SMAD4: variants seen among roughly 807,000 people sequenced by gnomAD.
SMAD4 encodes the protein SMAD family member 4, also known as MAD homolog 4.
Under a neutral mutation model 63.2 loss-of-function variants are expected in SMAD4, and 7 were observed. The ratio of observed to expected loss-of-function variants is 0.11; its 90% CI spans 0.06 to 0.21. The LOEUF is 0.21. SMAD4 is among the 10% of genes least tolerant of loss of function. SMAD4 has a pLI of 1.00. For synonymous variants in SMAD4, 215 were observed against 235.4 expected, an observed-to-expected ratio of 0.91 and a Z score of 0.79; for missense variants, 312 against 693.8, an observed-to-expected ratio of 0.45 and a Z score of 6.18.
intron 1 of SMAD4, among the ~76,000 whole-genome samples, chr18:51,030,984 G>T (rs1161862391): frequency 6.6e-6 from 1 of 152,160 alleles, no homozygotes; most frequent in East Asian, 1.9e-4. Flanking sequence ...GTTGCCTTAG[G>T]GTCTAAGTGA....
chr18:51,079,269 A>G lies in SMAD4; in HGVS notation c.*802A>G, dbSNP rs1910547766. On this transcript the variant is annotated 3_prime_UTR_variant, in exon 12 of 12. Transcript: ENST00000342988. Reference sequence around the variant, plus strand: ...TCTAGGCACAAGGTTGGTTGCTAAGAAGCCTATAAGAGGAATTTCTTTTCC... The same window carrying G: ...TCTAGGCACAAGGTTGGTTGCTAAGGAGCCTATAAGAGGAATTTCTTTTCC... 2 of 233,138 alleles carry G rather than the reference A, an allele frequency of 8.6e-6. No homozygotes were observed. The highest frequency in any genetic ancestry group is 1.7e-5 in the Non-Finnish European group (2 of 117,902). The allele number at this position is 233,138 out of a possible 1,614,324, so 14.4% of individuals were successfully genotyped here. A position where few individuals can be genotyped will look rare whatever the true frequency, so the allele number is the denominator to read the frequency against.
intron 8 of SMAD4, among the ~76,000 whole-genome samples, chr18:51,063,045 G>T (rs1434059298): frequency 2.0e-5 from 3 of 151,024 alleles, no homozygotes; most frequent in Middle Eastern, 3.2e-3. Context: ...GTAGAGACGG[G>T]GTTTCACTAT....
intron 1 of SMAD4, among the ~76,000 whole-genome samples, chr18:51,035,538 T>A (rs543137899): frequency 6.6e-6 from 1 of 152,146 alleles, no homozygotes; most frequent in East Asian, 1.9e-4. Context: ...TAAATAAATA[T>A]AACTCCCAAT....
chr18:51,055,148 A>G (rs1324916898), intron 5 of SMAD4, among the ~76,000 whole-genome samples, 155 bp downstream of exon 5: 2 of 152,252 alleles, frequency 1.3e-5, no homozygotes, highest in African/African-American at 4.8e-5. Context: ...GGTATGCACA[A>G]TCACTTGGAA....
chr18:51,064,643 G>C (rs1910101680), intron 8 of SMAD4, among the ~76,000 whole-genome samples: 1 of 152,228 alleles, frequency 6.6e-6, no homozygotes, highest in East Asian at 1.9e-4. Flanking sequence ...TTGTAAACCA[G>C]AGTAGCACCT....
intron 10 of SMAD4, among the ~76,000 whole-genome samples, chr18:51,073,388 T>C (rs867838443): frequency 1.1e-3 from 71 of 64,162 alleles, no homozygotes; most frequent in African/African-American, 5.0e-3. Flanking sequence ...TATATATATA[T>C]ACACACACAC....
intron 1 of SMAD4, among the ~76,000 whole-genome samples, chr18:51,043,709 C>T (rs1909456394): frequency 6.6e-6 from 1 of 152,078 alleles, no homozygotes; most frequent in Non-Finnish European, 1.5e-5. Context: ...TTTGAGATAC[C>T]GTTAAGGCCC....
At chr18:51,051,076 A>T (rs1371451878) in intron 4 of SMAD4, 1 of 158,996 alleles carries the variant, frequency 6.3e-6, no homozygotes, top group Non-Finnish European at 1.4e-5. Context: ...TTTTCCATCC[A>T]TGTTTTTGGA....
At chr18:51,049,455 A>G (rs577941612) in intron 4 of SMAD4, 131 bp downstream of exon 4, 13 of 735,034 alleles carry the variant, frequency 1.8e-5, no homozygotes, top group Non-Finnish European at 3.2e-5. Flanking sequence ...TGCTTTGGAA[A>G]TGTAGATTTT....
intron 1 of SMAD4, among the ~76,000 whole-genome samples, chr18:51,036,935 G>A (rs1599173993): frequency 1.3e-5 from 2 of 152,092 alleles, no homozygotes; most frequent in Non-Finnish European, 2.9e-5. Flanking sequence ...AGGGGGGTGC[G>A]GATTACCTGA....
chr18:51,062,170 G>A (rs1346921091), intron 8 of SMAD4, among the ~76,000 whole-genome samples: 1 of 152,166 alleles, frequency 6.6e-6, no homozygotes, highest in African/African-American at 2.4e-5. Flanking sequence ...ATTATCTTCT[G>A]TAACGGATTT....
At chr18:51,065,331 C>A (rs1910117572) in intron 8 of SMAD4, 92 bp from the exon 9 acceptor site, 1 of 1,066,138 alleles carries the variant, frequency 9.4e-7, no homozygotes, top group East Asian at 2.4e-5. Flanking sequence ...TCCCTTTACC[C>A]TTTCTTTTAG....
At chr18:51,037,487 T>A (rs1909239824) in intron 1 of SMAD4, among the ~76,000 whole-genome samples, 1 of 152,252 alleles carries the variant, frequency 6.6e-6, no homozygotes, top group Non-Finnish European at 1.5e-5. Flanking sequence ...GTCCTCATTG[T>A]GTTCTTTATA....
At chr18:51,044,420 C>T (rs971839219) in intron 1 of SMAD4, among the ~76,000 whole-genome samples, 1 of 152,174 alleles carries the variant, frequency 6.6e-6, no homozygotes, top group Admixed American at 6.6e-5. Context: ...GAGATAGGGT[C>T]TCACTGTGTC....
At chr18:51,057,754 T>C (rs1909881260) in intron 5 of SMAD4, among the ~76,000 whole-genome samples, 1 of 152,230 alleles carries the variant, frequency 6.6e-6, no homozygotes, top group African/African-American at 2.4e-5. Flanking sequence ...TTTGGGGTCC[T>C]AATCAGAAAG....
intron 8 of SMAD4, among the ~76,000 whole-genome samples, chr18:51,063,950 T>TAAA (rs1360103854): frequency 6.6e-6 from 1 of 152,246 alleles, no homozygotes; most frequent in African/African-American, 2.4e-5. Flanking sequence ...GAAAGTATTT[T>TAAA]ATTGCTTGGC....
chr18:51,083,760 G>A lies in SMAD4; in HGVS notation c.*5293G>A, dbSNP rs2144489209. 4.3e-6 allele frequency: 1 copy of A among 230,142 alleles called. No homozygotes were observed. The highest frequency in any genetic ancestry group is 6.1e-5 in the East Asian group (1 of 16,262). 14.3% of individuals were successfully genotyped at this position (230,142 alleles called of 1,614,324 possible). A position where few individuals can be genotyped will look rare whatever the true frequency, so the allele number is the denominator to read the frequency against. On this transcript the variant is annotated 3_prime_UTR_variant, in exon 12 of 12. Coordinates refer to ENST00000342988, the MANE Select transcript of SMAD4 (RefSeq NM_005359.6). The stretch of plus-strand genomic sequence containing the variant: ...GAGTTGGAGTAGATTAATTATTCCA[G>A]CTCTGAAATTCTAAGTGACCTTGGC...
chr18:51,065,920 A>C (rs1910137641), intron 9 of SMAD4, among the ~76,000 whole-genome samples: 1 of 152,218 alleles, frequency 6.6e-6, no homozygotes, highest in Non-Finnish European at 1.5e-5. Flanking sequence ...AAATTACTGA[A>C]AGGAAGTAAT....
chr18:51,032,275 G>GT (rs879304084), intron 1 of SMAD4, among the ~76,000 whole-genome samples: 9 of 151,912 alleles, frequency 5.9e-5, no homozygotes, highest in African/African-American at 9.7e-5. Context: ...TTGCATCTTC[G>GT]TTTTTTTTAT....
Sources: allele counts gnomAD v4.1 joint callset (sites outside exome capture counted in the v4.1 genomes callset), GRCh38; gene constraint gnomAD v4.1.1; transcripts MANE v1.5; gene names NCBI Gene and HGNC (gene_info 2026-07-23, HGNC 2026-07-21).